Variants in PIN4 observed in about 807,000 individuals in gnomAD.
PIN4 encodes the protein peptidyl-prolyl cis-trans isomerase NIMA-interacting 4.
PIN4 carries 3 observed loss-of-function variants against 8.3 expected under a neutral mutation model. The observed-to-expected ratio is 0.36, with a 90% CI of 0.16 to 0.93. The LOEUF (loss-of-function observed/expected upper bound fraction) is 0.93. PIN4 is among the 40% of genes least tolerant of loss of function. The pLI, the probability that PIN4 is intolerant of heterozygous loss-of-function variation, is 0.44. For synonymous variants in PIN4, 18 were observed against 32.5 expected (o/e 0.55, Z 1.52); for missense variants, 75 against 100.6 (o/e 0.75, Z 1.09).
chrX:72,197,374 T>G lies in PIN4; in HGVS notation c.244T>G (p.Leu82Val), dbSNP rs1486526891. Reference sequence around the variant, plus strand: ...TATCTTTTGGGTTTTTCAGGGTGACTTGGGTTGGATGACCAGAGGGTCCAT... The same window carrying G: ...TATCTTTTGGGTTTTTCAGGGTGACGTGGGTTGGATGACCAGAGGGTCCAT... ...SEDKARQGGD[L>V]GWMTRGSMVG... The change falls in exon 4 of 4, where the codon TTG becomes GTG. Residue 82 changes from leucine to valine, a missense_variant. By Grantham distance (32) the Leu-to-Val change is conservative. Coordinates refer to ENST00000373669, the MANE Select transcript of PIN4 (RefSeq NM_006223.4). The G allele has an allele frequency of 5.0e-6, 6 of 1,202,110 alleles. No individual in the cohort carries two copies. Among genetic ancestry groups the G allele is most frequent in the Non-Finnish European group, 6.7e-6 (6 of 890,600 alleles).
chrX:72,205,415 T>C, intron 3 of PIN4: 1 of 1,212,165 alleles, frequency 8.2e-7, no homozygotes, highest in Non-Finnish European at 1.1e-6. Flanking sequence ...TTTGCTTCAC[T>C]GCTGTCGTCA....
chrX:72,243,713 A>G (rs762298769), intron 3 of PIN4, among the ~76,000 whole-genome samples: 21 of 112,449 alleles, frequency 1.9e-4, no homozygotes, highest in African/African-American at 6.8e-4. Flanking sequence ...GAGGGTTCAG[A>G]ATGCATAAAT....
At chrX:72,227,916 C>A (rs529376991) in intron 3 of PIN4, among the ~76,000 whole-genome samples, 26 of 112,944 alleles carry the variant, frequency 2.3e-4, no homozygotes, top group Admixed American at 4.7e-4. Context: ...TTAGCTCCTA[C>A]AATTTAGCCT....
intron 3 of PIN4, chrX:72,205,795 C>T (rs776838613): frequency 2.5e-6 from 3 of 1,211,777 alleles, no homozygotes; most frequent in South Asian, 3.5e-5. Flanking sequence ...ATGCACAAAC[C>T]CTGCTCTGGA....
chrX:72,190,493 G>C (rs2042726314), intron 2 of PIN4, among the ~76,000 whole-genome samples: 1 of 111,419 alleles, frequency 9.0e-6, no homozygotes, highest in Admixed American at 9.6e-5. Context: ...GAAAAGAAAA[G>C]ATTTCCTTGA....
At chrX:72,254,827 ACTAATTCCAGCTGGC>A (rs1470316173) in intron 3 of PIN4, among the ~76,000 whole-genome samples, 2 of 112,155 alleles carry the variant, frequency 1.8e-5, no homozygotes, top group African/African-American at 6.5e-5. Flanking sequence ...CAAATTTCTC[ACTAATTCCAGCTGGC>A]CTCATCCCAG....
intron 3 of PIN4, among the ~76,000 whole-genome samples, chrX:72,222,843 G>A (rs922606187): frequency 1.0e-4 from 11 of 106,000 alleles, no homozygotes; most frequent in South Asian, 4.4e-4. Context: ...TGATCCACCC[G>A]CCTCGGCCTC....
intron 3 of PIN4, among the ~76,000 whole-genome samples, chrX:72,259,255 G>A (rs1236802642): frequency 1.1e-5 from 1 of 87,598 alleles, no homozygotes; most frequent in African/African-American, 4.4e-5. Flanking sequence ...TTTCGCTCTT[G>A]TTGCCCAGGC....
intron 3 of PIN4, among the ~76,000 whole-genome samples, chrX:72,260,942 T>G (rs1569493632): frequency 8.9e-6 from 1 of 112,027 alleles, no homozygotes; most frequent in Non-Finnish European, 1.9e-5. Flanking sequence ...CGGCCCTCTC[T>G]GCCTCTATTC....
At chrX:72,247,779 G>A (rs1375496229) in intron 3 of PIN4, among the ~76,000 whole-genome samples, 1 of 112,475 alleles carries the variant, frequency 8.9e-6, no homozygotes, top group Non-Finnish European at 1.9e-5. Context: ...TCTGCTCAGA[G>A]CTTAAAGAGC....
chrX:72,256,206 C>A (rs947987346), intron 3 of PIN4, among the ~76,000 whole-genome samples: 2 of 112,214 alleles, frequency 1.8e-5, no homozygotes, highest in Non-Finnish European at 3.8e-5. Flanking sequence ...TAGGGGCAGA[C>A]AACACATTTT....
chrX:72,202,720 AAG>A (rs1472874034), downstream of PIN4, among the ~76,000 whole-genome samples: 1 of 112,061 alleles, frequency 8.9e-6, no homozygotes, highest in African/African-American at 3.2e-5. Flanking sequence ...TGCTTTTAGT[AAG>A]AGCAAAATTT....
At chrX:72,213,540 G>A (rs1344390751) in intron 3 of PIN4, among the ~76,000 whole-genome samples, 1 of 111,621 alleles carries the variant, frequency 9.0e-6, no homozygotes, top group Non-Finnish European at 1.9e-5. Context: ...TTCGCTCACC[G>A]TCCACCACTG....
At chrX:72,241,537 T>TTGA (rs1318400282) in intron 3 of PIN4, among the ~76,000 whole-genome samples, 1 of 112,721 alleles carries the variant, frequency 8.9e-6, no homozygotes, top group Non-Finnish European at 1.9e-5. Context: ...AATTATGAGT[T>TTGA]TGATGGCCAG....
intron 3 of PIN4, among the ~76,000 whole-genome samples, chrX:72,256,575 C>T (rs147127274): frequency 0.013 from 1,406 of 111,588 alleles, 14 homozygotes; most frequent in Non-Finnish European, 0.022. Context: ...AACACTCTCA[C>T]GACCCACCCA....
At chrX:72,247,893 G>A (rs1357498634) in intron 3 of PIN4, among the ~76,000 whole-genome samples, 2 of 111,765 alleles carry the variant, frequency 1.8e-5, no homozygotes, top group Non-Finnish European at 3.8e-5. Flanking sequence ...TGAAGGTGTG[G>A]AAGGAAGGGG....
intron 3 of PIN4, among the ~76,000 whole-genome samples, chrX:72,246,112 A>C (rs780906821): frequency 9.0e-6 from 1 of 110,501 alleles, no homozygotes; most frequent in African/African-American, 3.3e-5. Context: ...ATGGCACCGA[A>C]CTCACCCTCT....
chrX:72,189,090 A>G (rs1437719753), intron 2 of PIN4, among the ~76,000 whole-genome samples: 128 of 111,122 alleles, frequency 1.2e-3, no homozygotes, highest in African/African-American at 3.9e-3. Flanking sequence ...GTTTGAGCCC[A>G]GGAGTTTGAG....
intron 3 of PIN4, among the ~76,000 whole-genome samples, chrX:72,232,499 C>T (rs891484096): frequency 9.4e-6 from 1 of 106,054 alleles, no homozygotes; most frequent in Non-Finnish European, 1.9e-5. Flanking sequence ...ACACAAAGAA[C>T]GGTGAAACTA....
Sources: gnomAD v4.1 joint callset for allele counts (sites outside exome capture counted in the v4.1 genomes callset) on GRCh38, gnomAD v4.1.1 for gene constraint, MANE v1.5 for transcripts, NCBI Gene and HGNC (gene_info 2026-07-23, HGNC 2026-07-21) for gene names.